ZNF416: variants seen among roughly 807,000 people sequenced by gnomAD.
ZNF416 encodes the protein zinc finger protein 416.
Under a neutral mutation model 10.9 loss-of-function variants are expected in ZNF416, and 5 were observed. The observed-to-expected ratio is 0.46, with a 90% CI of 0.24 to 0.97. The LOEUF (loss-of-function observed/expected upper bound fraction) is 0.97. Among genes scored for constraint, ZNF416 ranks in the 50% least tolerant of loss-of-function variants. The probability of loss-of-function intolerance (pLI) is 0.19; values close to 1 mark genes in which losing one functional copy is unlikely to be tolerated. For missense variants in ZNF416, 675 were observed against 715.0 expected, an observed-to-expected ratio of 0.94 and a Z score of 0.64; for synonymous variants, 267 against 251.8, an observed-to-expected ratio of 1.06 and a Z score of -0.57.
At chr19:57,577,944 G>C in intron 2 of ZNF416, 113 bp downstream of exon 2, 1 of 1,175,556 alleles carries the variant, frequency 8.5e-7, no homozygotes, top group South Asian at 1.3e-5. Context: ...TGTTTGTTCA[G>C]GATTCCTAGA....
Position 57,573,163 on chromosome 19 carries a change from A to G in ZNF416, c.741T>C (p.Cys247=). The G allele has an allele frequency of 6.2e-7, 1 of 1,614,178 alleles. No individual in the cohort carries two copies. The highest frequency in any genetic ancestry group is 8.5e-7 in the Non-Finnish European group (1 of 1,180,020). The part of the protein sequence containing the change: ...TGKRLYESSK[C]GKACCCECSL... Reference sequence around the variant, plus strand: ...AGCACTCACAGCAGCAGGCTTTCCCACATTTGCTAGATTCATAAAGCCTTT... The same window carrying G: ...AGCACTCACAGCAGCAGGCTTTCCCGCATTTGCTAGATTCATAAAGCCTTT... Residue 247 remains cysteine, a synonymous_variant, in exon 4 of 4, where the codon TGT becomes TGC. Coordinates refer to ENST00000196489, the MANE Select transcript of ZNF416 (RefSeq NM_017879.3).
At chr19:57,577,558 C>T (rs980867862) in intron 2 of ZNF416, among the ~76,000 whole-genome samples, 35 of 152,324 alleles carry the variant, frequency 2.3e-4, no homozygotes, top group African/African-American at 7.5e-4. Context: ...CTGCAGCAGC[C>T]TTCTTCACTA....
rs1005379096 is a variant in ZNF416 at position 57,577,385 on chromosome 19, A to G, written c.75+672T>C. On this transcript the variant is annotated intron_variant, in intron 2 of 3. Coordinates refer to ENST00000196489, the MANE Select transcript of ZNF416 (RefSeq NM_017879.3). The stretch of plus-strand genomic sequence containing the variant: ...TACAATCCTCGCTAGTGGAGCTTCC[A>G]TATTTCCAGCTGCTAAACCCAAACA... Among the ~76,000 whole-genome samples the G allele has an allele frequency of 5.3e-5, 8 of 152,196 alleles. No homozygotes were observed. In the East Asian group the frequency reaches 1.5e-3, roughly 29 times the overall value.
chr19:57,577,961 G>T, intron 2 of ZNF416, 96 bp downstream of exon 2: 2 of 1,350,676 alleles, frequency 1.5e-6, no homozygotes, highest in East Asian at 2.3e-5. Context: ...TAGAACCAAG[G>T]ACCCAAAGAG....
chr19:57,572,782 T>C lies in ZNF416; in HGVS notation c.1122A>G (p.Arg374=). The part of the protein sequence containing the change: ...GSKSTLVRHQ[R]THTGEKPYEC... ...CATATGGCTTTTCTCCTGTGTGAGT[T>C]CTCTGGTGTCGAACAAGAGTGGATT... Residue 374 remains arginine (R), a synonymous_variant, in exon 4 of 4, where the codon AGA becomes AGG. Coordinates refer to ENST00000196489, the MANE Select transcript of ZNF416 (RefSeq NM_017879.3). This position sits in a 1 kb window ranked among gnomAD's most constrained non-coding sequence, Gnocchi z 4.5. The C allele has an allele frequency of 6.2e-7, 1 of 1,614,212 alleles. No homozygotes were observed. Among genetic ancestry groups the C allele is most frequent in the Non-Finnish European group, 8.5e-7 (1 of 1,180,038 alleles).
At position 57,572,213 on chromosome 19, in the gene ZNF416, C is replaced by G; in HGVS notation, c.1691G>C (p.Gly564Ala). ...KCGKSFTQHS[G>A]LILHRKSHTV... ...GTGAGATTTTCGGTGGAGAATGAGGCCAGAGTGTTGTGTAAAGGACTTCCC... is the reference window on the plus strand; with the variant it reads ...GTGAGATTTTCGGTGGAGAATGAGGGCAGAGTGTTGTGTAAAGGACTTCCC... Residue 564 changes from glycine to alanine, a missense_variant, in exon 4 of 4, where the codon GGC (glycine) becomes GCC (alanine). Coordinates refer to ENST00000196489, the MANE Select transcript of ZNF416 (RefSeq NM_017879.3). This position sits in a 1 kb window ranked among gnomAD's most constrained non-coding sequence, Gnocchi z 4.5. 1 of 1,614,166 alleles carries G rather than the reference C, an allele frequency of 6.2e-7. No homozygotes were observed. Among genetic ancestry groups the G allele is most frequent in the East Asian group, 2.2e-5 (1 of 44,880 alleles).
Position 57,573,563 on chromosome 19 carries a change from G to C in ZNF416, c.341C>G (p.Thr114Ser), listed in dbSNP as rs2123393767. 1 of 1,614,218 alleles carries C rather than the reference G, an allele frequency of 6.2e-7. No homozygotes were observed. The highest frequency in any genetic ancestry group is 8.5e-7 in the Non-Finnish European group (1 of 1,180,042). Residue 114 changes from threonine to serine, a missense_variant, in exon 4 of 4, where the codon ACC (threonine) becomes AGC (serine). Transcript: ENST00000196489. ...CAAATCGGTCAGGTGCAAAATGTCG[G>C]TCAGGAATGGGACACACATGTCACA... The part of the protein sequence containing the change: ...QSCDMCVPFL[T>S]DILHLTDLPG...
At chr19:57,574,189 T>A (rs1978439162) in intron 3 of ZNF416, among the ~76,000 whole-genome samples, 1 of 152,198 alleles carries the variant, frequency 6.6e-6, no homozygotes, top group South Asian at 2.1e-4. Context: ...TCTATGTGAC[T>A]TGGATGCTTC....
Position 57,572,579 on chromosome 19 carries a change from T to G in ZNF416, c.1325A>C (p.Glu442Ala). 6.2e-7 allele frequency: 1 copy of G among 1,614,146 alleles called. No individual in the cohort carries two copies. The highest frequency in any genetic ancestry group is 8.5e-7 in the Non-Finnish European group (1 of 1,180,030). ...TCTTTGGCTAAAGGATTTTCCGCAC[T>G]CATCACACTCAAAGGGCCTAGCTCC... ...HSGARPFECD[E>A]CGKSFSQRTT... is the part of the protein sequence containing the mutation. The change falls in exon 4 of 4, where the codon GAG becomes GCG. Residue 442 changes from glutamate (E) to alanine (A), a missense_variant. Coordinates refer to ENST00000196489, the MANE Select transcript of ZNF416 (RefSeq NM_017879.3). This position sits in a 1 kb window ranked among gnomAD's most constrained non-coding sequence, Gnocchi z 4.5.
rs567221906 is a variant in ZNF416 at position 57,572,006 on chromosome 19, A to G, written c.*113T>C. ...CGGGAGGTCTAGAAGTATGAGGTTT[A>G]ACTTTAGGCAGACGGCTCCTTCACA... On this transcript the variant is annotated 3_prime_UTR_variant, in exon 4 of 4. Coordinates refer to ENST00000196489, the MANE Select transcript of ZNF416 (RefSeq NM_017879.3). The surrounding 1 kb of genome is among the most constrained non-coding windows in gnomAD (Gnocchi z 4.5). The G allele has an allele frequency of 8.6e-6, 12 of 1,400,162 alleles. No individual in the cohort carries two copies. The South Asian group carries it at 1.3e-4, about 15-fold the overall frequency. The allele number at this position is 1,400,162 out of a possible 1,614,324, so 86.7% of individuals were successfully genotyped here. A position where few individuals can be genotyped will look rare whatever the true frequency, so the allele number is the denominator to read the frequency against.
In ZNF416 at chr19:57,572,820, C is replaced by T. The variant is rs759923617; in HGVS notation, c.1084G>A (p.Ala362Thr). 26 of 1,613,736 alleles carry T rather than the reference C, an allele frequency of 1.6e-5. No individual in the cohort carries two copies. Among genetic ancestry groups the T allele is most frequent in the Non-Finnish European group, 2.2e-5 (26 of 1,179,876 alleles). ...ACAAGAGTGGATTTGGACCCAAAGG[C>T]TTTTCCACATTCATCACACTCATAA... ...RPYECDECGKAFGSKSTLVRH... is the reference protein window; with the variant it reads ...RPYECDECGKTFGSKSTLVRH... The change falls in exon 4 of 4, where the codon GCC becomes ACC. Residue 362 changes from alanine (A) to threonine (T), a missense_variant. Transcript: ENST00000196489. This position sits in a 1 kb window ranked among gnomAD's most constrained non-coding sequence, Gnocchi z 4.5.
At position 57,575,710 on chromosome 19, in the gene ZNF416, G is replaced by C; in HGVS notation, c.202+94C>G. On this transcript the variant is annotated intron_variant, in intron 3 of 3. Transcript: ENST00000196489. This position sits in a 1 kb window ranked among gnomAD's most constrained non-coding sequence, Gnocchi z 4.4. ...ACAGCACATACGCCAAGACAGTGGGGAAGTCAGCAAAGCCCACGGTCCGGC... is the reference window on the plus strand; with the variant it reads ...ACAGCACATACGCCAAGACAGTGGGCAAGTCAGCAAAGCCCACGGTCCGGC... 6.6e-7 allele frequency: 1 copy of C among 1,525,934 alleles called. No homozygotes were observed. The highest frequency in any genetic ancestry group is 1.7e-5 in the Admixed American group (1 of 59,704). 94.5% of individuals were successfully genotyped at this position (1,525,934 alleles called of 1,614,324 possible).
chr19:57,573,994 A>G (rs1978429578), intron 3 of ZNF416, among the ~76,000 whole-genome samples: 2 of 152,188 alleles, frequency 1.3e-5, no homozygotes, highest in African/African-American at 4.8e-5. Context: ...ACTGCACTCC[A>G]GCCTGGGAGA....
chr19:57,575,865 C>CCCCAT lies in ZNF416; in HGVS notation c.140_141insATGGG (p.Ala48TrpfsTer11), dbSNP rs1978513362. ...CATCGCGGTACAGGAGCCTCTGAGCCTCATCAAGGAGCCCCCATTCTTCCT... is the reference window on the plus strand; with the variant it reads ...CATCGCGGTACAGGAGCCTCTGAGCCCCCATTCATCAAGGAGCCCCCATTCTTCCT... On this transcript the variant is annotated frameshift_variant, in exon 3 of 4. Coordinates refer to ENST00000196489, the MANE Select transcript of ZNF416 (RefSeq NM_017879.3). LOFTEE classifies it high-confidence loss of function. The surrounding 1 kb of genome is among the most constrained non-coding windows in gnomAD (Gnocchi z 4.4). 6.2e-7 allele frequency: 1 copy of CCCCAT among 1,614,172 alleles called. No homozygotes were observed. Among genetic ancestry groups the CCCCAT allele is most frequent in the South Asian group, 1.1e-5 (1 of 91,082 alleles).
chr19:57,578,342 T>G (rs1437731971), intron 1 of ZNF416: 10 of 593,668 alleles, frequency 1.7e-5, no homozygotes, highest in Non-Finnish European at 2.7e-5. Context: ...TAGAAAAAAT[T>G]TGAAAAGTCT....
At chr19:57,573,724 G>T in intron 3 of ZNF416, 23 bp from the exon 4 acceptor site, 1 of 1,596,878 alleles carries the variant, frequency 6.3e-7, no homozygotes, top group South Asian at 1.1e-5. Flanking sequence ...AAACACTGAT[G>T]AAATGCACGT....
chr19:57,578,240 C>A, intron 1 of ZNF416, 142 bp from the exon 2 acceptor site: 1 of 795,006 alleles, frequency 1.3e-6, no homozygotes, highest in South Asian at 1.6e-5. Flanking sequence ...TTCCGTGTGA[C>A]TCTTACCTGC....
Position 57,578,114 on chromosome 19 carries a change from G to A in ZNF416, c.34-16C>T, listed in dbSNP as rs1424460372. On this transcript the variant is annotated splice_polypyrimidine_tract_variant and intron_variant, in intron 1 of 3. Coordinates refer to ENST00000196489, the MANE Select transcript of ZNF416 (RefSeq NM_017879.3). ...TCACGGGAACCTGCGGGAAGAGGAA[G>A]GCTATGAGAGGCAGGTAACTATGGT... is the stretch of plus-strand genomic sequence containing the variant. 1.2e-6 allele frequency: 2 copies of A among 1,614,028 alleles called. No homozygotes were observed. The highest frequency in any genetic ancestry group is 2.2e-5 in the East Asian group (1 of 44,874).
At position 57,572,344 on chromosome 19, in the gene ZNF416, CCT is replaced by C; in HGVS notation, c.1558_1559del (p.Arg520AlafsTer16). ...TCCCGCACTGTCCACAGTCGTAAGGCCTTAATCCAGTGTGAATTTTCTGGTGT... is the reference window on the plus strand; with the variant it reads ...TCCCGCACTGTCCACAGTCGTAAGGCTAATCCAGTGTGAATTTTCTGGTGT... ...VEHQKIHTGL[R>X]PYDCGQCGKS... is the part of the protein sequence containing the mutation. On this transcript the variant is annotated frameshift_variant, in exon 4 of 4. Transcript: ENST00000196489. LOFTEE classifies it low-confidence loss of function (END_TRUNC). The surrounding 1 kb of genome is among the most constrained non-coding windows in gnomAD (Gnocchi z 4.5). 1.2e-6 allele frequency: 2 copies of C among 1,614,142 alleles called. No individual in the cohort carries two copies. The highest frequency in any genetic ancestry group is 1.7e-6 in the Non-Finnish European group (2 of 1,180,026).
Sources: gnomAD v4.1 joint callset for allele counts (sites outside exome capture counted in the v4.1 genomes callset) on GRCh38, gnomAD v4.1.1 for gene constraint, Gnocchi (gnomAD v3.1) non-coding constraint, MANE v1.5 for transcripts, NCBI Gene and HGNC (gene_info 2026-07-23, HGNC 2026-07-21) for gene names.